Variants in PCYT1A observed in about 807,000 individuals in gnomAD.
PCYT1A encodes phosphate cytidylyltransferase 1A, choline.
In PCYT1A, 25 loss-of-function variants were observed where a neutral mutation model predicts 43.7. The ratio of observed to expected loss-of-function variants is 0.57; its 90% confidence interval spans 0.42 to 0.80. The LOEUF is 0.80. PCYT1A is among the 30% of genes least tolerant of loss of function. The probability of loss-of-function intolerance (pLI) is 0.00; values close to 1 mark genes in which losing one functional copy is unlikely to be tolerated. For missense variants in PCYT1A, 421 were observed against 474.2 expected, an observed-to-expected ratio of 0.89 and a Z score of 1.04; for synonymous variants, 172 against 170.7, an observed-to-expected ratio of 1.01 and a Z score of -0.06.
chr3:196,276,021 CGGG>C (rs1560177328), intron 1 of PCYT1A, among the ~76,000 whole-genome samples: 2 of 150,138 alleles, frequency 1.3e-5, no homozygotes, highest in African/African-American at 4.9e-5. Flanking sequence ...GGTGTGAACC[CGGG>C]AGGCAGAGCT....
intron 5 of PCYT1A, among the ~76,000 whole-genome samples, chr3:196,245,739 C>T (rs1355960825): frequency 2.0e-5 from 3 of 152,014 alleles, no homozygotes; most frequent in African/African-American, 7.2e-5. Flanking sequence ...CACCTGAGGT[C>T]AGGAGTTCAA....
chr3:196,265,502 G>C (rs1725241247), intron 2 of PCYT1A, among the ~76,000 whole-genome samples: 1 of 152,108 alleles, frequency 6.6e-6, no homozygotes, highest in Non-Finnish European at 1.5e-5. Context: ...GTTTTTCCTA[G>C]TTTTTCCTTC....
intron 3 of PCYT1A, among the ~76,000 whole-genome samples, chr3:196,249,758 C>T (rs1448042751): frequency 6.6e-6 from 1 of 152,228 alleles, no homozygotes; most frequent in East Asian, 1.9e-4. Context: ...AAAGTGTCAT[C>T]AGATACACTA....
At chr3:196,259,216 T>G (rs1403694265) in intron 2 of PCYT1A, among the ~76,000 whole-genome samples, 1 of 152,184 alleles carries the variant, frequency 6.6e-6, no homozygotes, top group African/African-American at 2.4e-5. Context: ...CCTGTCTTTG[T>G]GAGAAGATTT....
intron 3 of PCYT1A, among the ~76,000 whole-genome samples, chr3:196,256,964 C>A (rs1724967643): frequency 6.6e-6 from 1 of 152,154 alleles, no homozygotes; most frequent in Non-Finnish European, 1.5e-5. Flanking sequence ...GCTATAAATC[C>A]CTCTTATTCC....
At chr3:196,239,290 C>G (rs1450268589) in intron 8 of PCYT1A, among the ~76,000 whole-genome samples, 1 of 152,184 alleles carries the variant, frequency 6.6e-6, no homozygotes, top group East Asian at 1.9e-4. Flanking sequence ...CAGATAAAAG[C>G]TGGGCAAGGC....
At chr3:196,261,657 G>A (rs919173307) in intron 2 of PCYT1A, among the ~76,000 whole-genome samples, 1 of 152,016 alleles carries the variant, frequency 6.6e-6, no homozygotes, top group Non-Finnish European at 1.5e-5. Flanking sequence ...AGGTGGGGTG[G>A]TGCATGCCTG....
In PCYT1A at chr3:196,237,261, C is replaced by T. The variant is rs1408653500; in HGVS notation, c.*1427G>A. ...ACTGATGGGTGATGATCTGCTAGGCCGCGTAGCTAAGCAGCTAAGGAGACA... is the reference window on the plus strand; with the variant it reads ...ACTGATGGGTGATGATCTGCTAGGCTGCGTAGCTAAGCAGCTAAGGAGACA... On this transcript the variant is annotated 3_prime_UTR_variant, in exon 9 of 9. Transcript: ENST00000431016. 1 of 152,212 alleles carries T rather than the reference C, an allele frequency of 6.6e-6. No individual in the cohort carries two copies. The highest frequency in any genetic ancestry group is 2.4e-5 in the African/African-American group (1 of 41,440). 9.4% of individuals were successfully genotyped at this position (152,212 alleles called of 1,614,324 possible).
At position 196,242,758 on chromosome 3, in the gene PCYT1A, T is replaced by C. The variant is rs1040259454; in HGVS notation, c.487-118A>G. On this transcript the variant is annotated intron_variant, in intron 5 of 8. Transcript: ENST00000431016. The surrounding 1 kb of genome is among the most constrained non-coding windows in gnomAD (Gnocchi z 4.2). Reference sequence around the variant, plus strand: ...AGAGGCCAGGCCTCAGTGGACTTCATATCTCTCTTTGCTTTGCTCATAAAT... The same window carrying C: ...AGAGGCCAGGCCTCAGTGGACTTCACATCTCTCTTTGCTTTGCTCATAAAT... 14 of 708,980 alleles carry C rather than the reference T, an allele frequency of 2.0e-5. No individual in the cohort carries two copies. The highest frequency in any genetic ancestry group is 3.1e-5 in the Non-Finnish European group (12 of 387,668). 43.9% of individuals were successfully genotyped at this position (708,980 alleles called of 1,614,324 possible). A position where few individuals can be genotyped will look rare whatever the true frequency, so the allele number is the denominator to read the frequency against.
chr3:196,284,702 T>C (rs2108784741), intron 1 of PCYT1A, among the ~76,000 whole-genome samples: 1 of 152,262 alleles, frequency 6.6e-6, no homozygotes, highest in South Asian at 2.1e-4. Context: ...GGAATGAAGC[T>C]CATTCTTTAT....
intron 5 of PCYT1A, among the ~76,000 whole-genome samples, chr3:196,244,847 A>G (rs1352114668): frequency 5.3e-5 from 8 of 151,924 alleles, no homozygotes; most frequent in Non-Finnish European, 7.4e-5. Flanking sequence ...TAAATGGATT[A>G]AGGGCGGTGC....
Position 196,238,792 on chromosome 3 carries a change from AAG to A in PCYT1A, c.998_999del (p.Ser333PhefsTer27), listed in dbSNP as rs1491256530. 6.3e-7 allele frequency: 1 copy of A among 1,586,230 alleles called. No homozygotes were observed. Among genetic ancestry groups the A allele is most frequent in the Non-Finnish European group, 8.6e-7 (1 of 1,167,220 alleles). ...SPTRERSPSP[S>X]FRWPFSGKTS... Reference sequence around the variant, plus strand: ...GTCTTGCCGGAGAAGGGCCATCGGAAAGAGGGGGAGGGGGAGCGCTCGCGAGT... The same window carrying A: ...GTCTTGCCGGAGAAGGGCCATCGGAAAGGGGGAGGGGGAGCGCTCGCGAGT... On this transcript the variant is annotated frameshift_variant, in exon 9 of 9. Coordinates refer to ENST00000431016, the MANE Select transcript of PCYT1A (RefSeq NM_001312673.2). LOFTEE classifies it high-confidence loss of function.
At position 196,279,406 on chromosome 3, in the gene PCYT1A, GCA is replaced by G. The variant is rs200940108; in HGVS notation, c.-11+8207_-11+8208del. The stretch of plus-strand genomic sequence containing the variant: ...CCTTATCTTAATCACTGAAATTTGA[GCA>G]CAGACTCTAAATATGGACATAAAAA... On this transcript the variant is annotated intron_variant, in intron 1 of 8. Transcript: ENST00000431016. 5.0e-3 allele frequency among the ~76,000 whole-genome samples: 766 copies of G among 151,932 alleles called. 8 individuals are homozygous for G. The highest frequency in any genetic ancestry group is 0.017 in the African/African-American group (718 of 41,402).
intron 5 of PCYT1A, among the ~76,000 whole-genome samples, chr3:196,246,316 C>T (rs528153310): frequency 1.1e-3 from 174 of 152,304 alleles, no homozygotes; most frequent in Middle Eastern, 3.4e-3. Context: ...AACATGCTTG[C>T]TATTTCCTCA....
rs1179628152 is a variant in PCYT1A at position 196,238,566 on chromosome 3, C to T, written c.*122G>A. On this transcript the variant is annotated 3_prime_UTR_variant, in exon 9 of 9. Transcript: ENST00000431016. ...TCCCCCAGTCCTAGGTCTTCTTTCC[C>T]CAGTTGTCTTTCCTTTGTAGCTGTC... is the stretch of plus-strand genomic sequence containing the variant. 4.5e-6 allele frequency: 3 copies of T among 671,278 alleles called. No homozygotes were observed. Among genetic ancestry groups the T allele is most frequent in the East Asian group, 6.1e-5 (2 of 32,850 alleles). 41.6% of individuals were successfully genotyped at this position (671,278 alleles called of 1,614,324 possible). A position where few individuals can be genotyped will look rare whatever the true frequency, so the allele number is the denominator to read the frequency against.
chr3:196,261,839 T>G (rs1304894325), intron 2 of PCYT1A, among the ~76,000 whole-genome samples: 1 of 152,114 alleles, frequency 6.6e-6, no homozygotes, highest in African/African-American at 2.4e-5. Flanking sequence ...TCACAACTGT[T>G]TCTTCAGTCT....
At position 196,252,104 on chromosome 3, in the gene PCYT1A, A is replaced by G. The variant is rs1212135385; in HGVS notation, c.218-3781T>C. ...CAGCGCACCCCGCCACGCCCCGCAG[A>G]CTACAGCGCACCCCGCCACGCCCCA... On this transcript the variant is annotated intron_variant, in intron 3 of 8. Coordinates refer to ENST00000431016, the MANE Select transcript of PCYT1A (RefSeq NM_001312673.2). The surrounding 1 kb of genome is among the most constrained non-coding windows in gnomAD (Gnocchi z 4.0). Among the ~76,000 whole-genome samples, 1 of 150,160 alleles carries G rather than the reference A, an allele frequency of 6.7e-6. No homozygotes were observed. Among genetic ancestry groups the G allele is most frequent in the South Asian group, 2.1e-4 (1 of 4,772 alleles).
intron 3 of PCYT1A, among the ~76,000 whole-genome samples, chr3:196,254,728 G>A: frequency 6.6e-6 from 1 of 152,128 alleles, no homozygotes; most frequent in East Asian, 1.9e-4. Context: ...TGGTTTATGT[G>A]GGTTATGAAT....
rs569419569 is a variant in PCYT1A at position 196,282,549 on chromosome 3, T to C, written c.-11+5066A>G. ...ATTAGACAAATGGATTTGTTACCAG[T>C]AGAAATCATGGATATTTTCATACCA... On this transcript the variant is annotated intron_variant, in intron 1 of 8. Coordinates refer to ENST00000431016, the MANE Select transcript of PCYT1A (RefSeq NM_001312673.2). This position sits in a 1 kb window ranked among gnomAD's most constrained non-coding sequence, Gnocchi z 4.3. Among the ~76,000 whole-genome samples the C allele has an allele frequency of 6.6e-6, 1 of 152,354 alleles. No homozygotes were observed. The highest frequency in any genetic ancestry group is 1.5e-5 in the Non-Finnish European group (1 of 68,024).
Sources: allele counts gnomAD v4.1 joint callset (sites outside exome capture counted in the v4.1 genomes callset), GRCh38; gene constraint gnomAD v4.1.1; non-coding constraint Gnocchi (gnomAD v3.1); transcripts MANE v1.5; gene names NCBI Gene and HGNC (gene_info 2026-07-23, HGNC 2026-07-21).